The following SNX25 variants were observed in gnomAD, a reference collection of about 807,000 sequenced individuals.
SNX25 encodes the protein sorting nexin 25.
SNX25 carries 62 observed loss-of-function variants against 113.7 expected under a neutral mutation model. The observed-to-expected ratio is 0.55, with a 90% CI of 0.44 to 0.67. The LOEUF is 0.67. Among genes scored for constraint, SNX25 ranks in the 30% least tolerant of loss-of-function variants. The probability of loss-of-function intolerance (pLI) is 0.00; values close to 1 mark genes in which losing one functional copy is unlikely to be tolerated. For missense variants in SNX25, 1,014 were observed against 1,161.0 expected, an observed-to-expected ratio of 0.87 and a Z score of 1.84; for synonymous variants, 421 against 436.2, an observed-to-expected ratio of 0.97 and a Z score of 0.43.
chr4:185,284,889 C>T (rs1350977066), intron 5 of SNX25, among the ~76,000 whole-genome samples: 4 of 152,120 alleles, frequency 2.6e-5, no homozygotes, highest in East Asian at 1.9e-4. Flanking sequence ...AAGGACCATC[C>T]GTGGGGCTTT....
chr4:185,309,724 C>T (rs564894399), intron 6 of SNX25, among the ~76,000 whole-genome samples: 2 of 152,300 alleles, frequency 1.3e-5, no homozygotes, highest in South Asian at 4.1e-4. Context: ...CTCAGTTGTA[C>T]TGCAATGGTC....
intron 5 of SNX25, among the ~76,000 whole-genome samples, chr4:185,271,086 C>T (rs765424971): frequency 3.3e-5 from 5 of 152,140 alleles, no homozygotes; most frequent in Non-Finnish European, 7.4e-5. Context: ...GCGTACCCAC[C>T]GCTGCCAAGG....
chr4:185,357,610 T>A, intron 15 of SNX25, 61 bp from the exon 16 acceptor site: 1 of 1,336,484 alleles, frequency 7.5e-7, no homozygotes, highest in Middle Eastern at 1.8e-4. Context: ...TGTACAGCTA[T>A]GAAAATGTCC....
chr4:185,224,490 AATAG>A (rs879892215), intron 1 of SNX25, among the ~76,000 whole-genome samples: 84,229 of 131,332 alleles, frequency 0.64, 27,190 homozygotes, highest in East Asian at 0.73. Context: ...TAGATATATA[AATAG>A]ATATATAAAT....
chr4:185,265,966 G>A (rs1748019035), intron 4 of SNX25, among the ~76,000 whole-genome samples: 2 of 152,262 alleles, frequency 1.3e-5, no homozygotes, highest in African/African-American at 4.8e-5. Flanking sequence ...AAAAGGAACT[G>A]TACCACAATA....
At chr4:185,345,950 T>G (rs1305739009) in intron 12 of SNX25, among the ~76,000 whole-genome samples, 1 of 152,130 alleles carries the variant, frequency 6.6e-6, no homozygotes, top group Non-Finnish European at 1.5e-5. Context: ...CTCCACCTCC[T>G]GGGTTCAAAC....
At chr4:185,343,186 C>T (rs972490636) in intron 12 of SNX25, among the ~76,000 whole-genome samples, 10 of 152,240 alleles carry the variant, frequency 6.6e-5, no homozygotes, top group African/African-American at 1.9e-4. Context: ...CCACCTTGCC[C>T]AGCTGACCTG....
chr4:185,265,999 T>TTAACTA (rs1428464352), intron 4 of SNX25, among the ~76,000 whole-genome samples: 2 of 152,200 alleles, frequency 1.3e-5, no homozygotes, highest in African/African-American at 2.4e-5. Flanking sequence ...TAGAAAAAAG[T>TTAACTA]TAACTATATC....
At chr4:185,219,869 G>C (rs1579328620) in intron 1 of SNX25, among the ~76,000 whole-genome samples, 1 of 150,922 alleles carries the variant, frequency 6.6e-6, no homozygotes, top group African/African-American at 2.4e-5. Flanking sequence ...AACTGTTCCA[G>C]ATATTTCCAT....
intron 6 of SNX25, among the ~76,000 whole-genome samples, chr4:185,289,308 G>A (rs1335160962): frequency 6.6e-6 from 1 of 152,138 alleles, no homozygotes; most frequent in Admixed American, 6.5e-5. Flanking sequence ...CATGTTCCTT[G>A]GAGAAAAACA....
chr4:185,351,521 A>C lies in SNX25; in HGVS notation c.2378A>C (p.Lys793Thr). Residue 793 changes from lysine (K) to threonine (T), a missense_variant, in exon 14 of 19, where the codon AAG becomes ACG. Lys to Thr is a moderately conservative substitution (Grantham distance 78). Transcript: ENST00000652585. ...TTGAGCCCTTCTCCTGACTACCTCA[A>C]GGTTATCGACGTGCAGGGGAAAAAA... ...AFLSPSPDYL[K>T]VIDVQGKKNS... 1 of 1,614,192 alleles carries C rather than the reference A, an allele frequency of 6.2e-7. No individual in the cohort carries two copies. The highest frequency in any genetic ancestry group is 8.5e-7 in the Non-Finnish European group (1 of 1,180,024).
upstream of SNX25, among the ~76,000 whole-genome samples, chr4:185,205,269 T>C (rs181968928): frequency 5.2e-3 from 792 of 152,066 alleles, 5 homozygotes; most frequent in African/African-American, 0.018. Flanking sequence ...GCCTGACTAA[T>C]ATGGTGAAAC....
At chr4:185,302,185 C>T (rs1753800692) in intron 6 of SNX25, among the ~76,000 whole-genome samples, 3 of 151,828 alleles carry the variant, frequency 2.0e-5, no homozygotes, top group Admixed American at 2.0e-4. Flanking sequence ...ATCCACCCGC[C>T]TTGGCCTCCC....
At chr4:185,275,764 A>G (rs912421167) in intron 5 of SNX25, among the ~76,000 whole-genome samples, 12 of 152,362 alleles carry the variant, frequency 7.9e-5, no homozygotes, top group Middle Eastern at 3.4e-3. Flanking sequence ...CTAATACATC[A>G]TGTCAGCAAT....
intron 1 of SNX25, among the ~76,000 whole-genome samples, chr4:185,240,909 C>T (rs528650851): frequency 6.6e-6 from 1 of 151,184 alleles, no homozygotes; most frequent in Non-Finnish European, 1.5e-5. Flanking sequence ...CTCCCCACAT[C>T]TCAGACGATG....
chr4:185,239,939 G>T lies in SNX25; in HGVS notation c.430-7355G>T, dbSNP rs1384274593. ...CCTTCCGCAGTGTTTGTGTCCCTGG[G>T]TACTTGAGATTAGGGAGTGGTGATG... On this transcript the variant is annotated intron_variant, in intron 1 of 18. Coordinates refer to ENST00000652585, the MANE Select transcript of SNX25 (RefSeq NM_001378034.2). Among the ~76,000 whole-genome samples the T allele has an allele frequency of 5.3e-5, 8 of 150,316 alleles. 1 individual carries two copies. The East Asian group carries it at 5.8e-4, about 11-fold the overall frequency.
chr4:185,206,210 T>C (rs1455048340), upstream of SNX25, among the ~76,000 whole-genome samples: 2 of 152,190 alleles, frequency 1.3e-5, no homozygotes, highest in Non-Finnish European at 2.9e-5. Context: ...TATGCACCCA[T>C]GTTCATAGCA....
At chr4:185,361,363 T>C (rs557267859) in intron 16 of SNX25, among the ~76,000 whole-genome samples, 2 of 152,328 alleles carry the variant, frequency 1.3e-5, no homozygotes, top group South Asian at 2.1e-4. Flanking sequence ...TCTTTATAGA[T>C]TGAACACAGC....
In SNX25 at chr4:185,266,978, C is replaced by G. The variant is rs143685015; in HGVS notation, c.914C>G (p.Pro305Arg). 5.6e-6 allele frequency: 9 copies of G among 1,611,080 alleles called. No individual in the cohort carries two copies. The African/African-American group carries it at 9.4e-5, about 17-fold the overall frequency. ...CTTCTTCTTCCTGTAGTCTTGAAGC[C>G]GGTAGTGGAGTTACTGAGTAATCCA... ...AEILTTKVLK[P>R]VVELLSNPDY... is the part of the protein sequence containing the mutation. Residue 305 changes from proline (P) to arginine (R), a missense_variant, in exon 5 of 19, where the codon CCG (proline) becomes CGG (arginine). Pro to Arg is a moderately radical substitution (Grantham distance 103, BLOSUM62 -2). Coordinates refer to ENST00000652585, the MANE Select transcript of SNX25 (RefSeq NM_001378034.2).
Sources: allele counts gnomAD v4.1 joint callset (sites outside exome capture counted in the v4.1 genomes callset), GRCh38; gene constraint gnomAD v4.1.1; transcripts MANE v1.5; gene names NCBI Gene and HGNC (gene_info 2026-07-23, HGNC 2026-07-21).